The following TGM7 variants were observed in gnomAD, a reference collection of about 807,000 sequenced individuals.
The protein encoded by TGM7 is protein-glutamine gamma-glutamyltransferase Z.
Under a neutral mutation model 79.5 loss-of-function variants are expected in TGM7, and 74 were observed. The ratio of observed to expected loss-of-function variants is 0.93; its 90% CI spans 0.77 to 1.13. The LOEUF (loss-of-function observed/expected upper bound fraction) is 1.13, where lower values mean the gene tolerates loss of function less well. Among genes scored for constraint, TGM7 ranks in the 50% most tolerant of loss-of-function variants. TGM7 has a pLI of 0.00. For missense variants in TGM7, 912 were observed against 905.9 expected (o/e 1.01, Z -0.09); for synonymous variants, 354 against 362.5 (o/e 0.98, Z 0.27).
Position 43,292,865 on chromosome 15 carries a change from T to C in TGM7, c.283A>G (p.Thr95Ala), listed in dbSNP as rs751216950. The C allele has an allele frequency of 6.2e-7, 1 of 1,613,942 alleles. No homozygotes were observed. Among genetic ancestry groups the C allele is most frequent in the East Asian group, 2.2e-5 (1 of 44,884 alleles). Residue 95 changes from threonine (T) to alanine (A), a missense_variant, in exon 3 of 13, where the codon ACC becomes GCC. Physicochemically the swap from Thr to Ala is moderately conservative, Grantham distance 58. Coordinates refer to ENST00000452443, the MANE Select transcript of TGM7 (RefSeq NM_052955.3). ...PGNVWSASDF[T>A]IDSNSLQVSL... ...ACTTGGAGAGAGTTGGAGTCAATGGTGAAATCAGAAGCGCTCCAGACATTC... is the reference window on the plus strand; with the variant it reads ...ACTTGGAGAGAGTTGGAGTCAATGGCGAAATCAGAAGCGCTCCAGACATTC...
At chr15:43,296,632 C>T (rs1016786412) in intron 1 of TGM7, among the ~76,000 whole-genome samples, 1 of 152,060 alleles carries the variant, frequency 6.6e-6, no homozygotes, top group Admixed American at 6.6e-5. Flanking sequence ...GAACAGGACT[C>T]AGGGTAGCCT....
chr15:43,277,239 C>T lies in TGM7; in HGVS notation c.1840-244G>A, dbSNP rs142543921. 7.7e-4 allele frequency among the ~76,000 whole-genome samples: 117 copies of T among 152,332 alleles called. 1 individual carries two copies. The highest frequency in any genetic ancestry group is 1.3e-3 in the Non-Finnish European group (91 of 68,034). On this transcript the variant is annotated intron_variant, in intron 11 of 12. Coordinates refer to ENST00000452443, the MANE Select transcript of TGM7 (RefSeq NM_052955.3). ...CAGCAGTTGCCACCAAGCTGAAACC[C>T]GTTTCTGTCCCCACCATCTAGTTCA...
At chr15:43,286,808 T>C in intron 6 of TGM7, among the ~76,000 whole-genome samples, 1 of 152,180 alleles carries the variant, frequency 6.6e-6, no homozygotes, top group East Asian at 1.9e-4. Context: ...TTGATGTTCT[T>C]TAAGGGTAGT....
chr15:43,295,384 A>G (rs2042987384), intron 1 of TGM7, among the ~76,000 whole-genome samples: 1 of 152,212 alleles, frequency 6.6e-6, no homozygotes, highest in Non-Finnish European at 1.5e-5. Context: ...TGAGGTCAGG[A>G]GTTCGAGACC....
intron 6 of TGM7, among the ~76,000 whole-genome samples, chr15:43,285,806 T>C (rs2042932656): frequency 6.6e-6 from 1 of 151,490 alleles, no homozygotes; most frequent in African/African-American, 2.4e-5. Flanking sequence ...ATTTCACAAA[T>C]CTAGTCACAC....
chr15:43,285,165 T>C (rs1445293031), intron 6 of TGM7, among the ~76,000 whole-genome samples: 1 of 152,134 alleles, frequency 6.6e-6, no homozygotes, highest in Non-Finnish European at 1.5e-5. Context: ...AAGGAATCAT[T>C]TGAGGGTCGC....
At position 43,277,031 on chromosome 15, in the gene TGM7, T is replaced by G. The variant is rs189310193; in HGVS notation, c.1840-36A>C. ...AGAAGTCAGCAATCCCATGGGCAAC[T>G]GGCCTCGCTTCTGCACTCTGGTTCA... On this transcript the variant is annotated intron_variant, in intron 11 of 12. Coordinates refer to ENST00000452443, the MANE Select transcript of TGM7 (RefSeq NM_052955.3). The G allele has an allele frequency of 2.9e-5, 47 of 1,609,138 alleles. No individual in the cohort carries two copies. The East Asian group carries it at 9.8e-4, about 34-fold the overall frequency.
intron 7 of TGM7, among the ~76,000 whole-genome samples, chr15:43,284,153 C>T (rs1287826331): frequency 2.0e-5 from 3 of 152,054 alleles, no homozygotes; most frequent in South Asian, 2.1e-4. Context: ...GAGCTGAGTT[C>T]GCACCATTGC....
At chr15:43,288,486 G>T (rs1405859544) in intron 4 of TGM7, among the ~76,000 whole-genome samples, 1 of 152,050 alleles carries the variant, frequency 6.6e-6, no homozygotes, top group Non-Finnish European at 1.5e-5. Flanking sequence ...TGTTATTAAA[G>T]AATTACTATT....
At chr15:43,301,356 G>A (rs2043024325) in intron 1 of TGM7, among the ~76,000 whole-genome samples, 1 of 151,692 alleles carries the variant, frequency 6.6e-6, no homozygotes, top group African/African-American at 2.4e-5. Context: ...ATGGCCGCGT[G>A]TGGTGGCTCA....
At chr15:43,288,950 G>T (rs952244765) in intron 4 of TGM7, among the ~76,000 whole-genome samples, 1 of 152,146 alleles carries the variant, frequency 6.6e-6, no homozygotes, top group Non-Finnish European at 1.5e-5. Context: ...TCTAGTGGTG[G>T]AGTGGGGAGT....
chr15:43,281,940 C>T lies in TGM7; in HGVS notation c.1255G>A (p.Ala419Thr), dbSNP rs756276715. 3.1e-6 allele frequency: 5 copies of T among 1,614,192 alleles called. No individual in the cohort carries two copies. The highest frequency in any genetic ancestry group is 3.4e-6 in the Non-Finnish European group (4 of 1,180,028). Residue 419 changes from alanine to threonine, a missense_variant, in exon 9 of 13, where the codon GCC becomes ACC. Coordinates refer to ENST00000452443, the MANE Select transcript of TGM7 (RefSeq NM_052955.3). Reference protein sequence around the residue: ...LGDGQAQEILAHNTSSIGKEI... With the variant: ...LGDGQAQEILTHNTSSIGKEI... ...TTCCCGATGGAACTGGTGTTGTGGG[C>T]CAGGATTTCCTGGGCCTGGCCATCC...
chr15:43,279,788 G>C lies in TGM7; in HGVS notation c.1515C>G (p.Asp505Glu), dbSNP rs2042897693. The C allele has an allele frequency of 6.2e-7, 1 of 1,614,054 alleles. No homozygotes were observed. The highest frequency in any genetic ancestry group is 1.1e-5 in the South Asian group (1 of 91,096). Residue 505 changes from aspartate (D) to glutamate (E), a missense_variant, in exon 10 of 13, where the codon GAC (aspartate) becomes GAG (glutamate). Physicochemically the swap from Asp to Glu is conservative, Grantham distance 45. Coordinates refer to ENST00000452443, the MANE Select transcript of TGM7 (RefSeq NM_052955.3). ...HLARIPEWGQDLQLLLRIQRV... is the reference protein window; with the variant it reads ...HLARIPEWGQELQLLLRIQRV... ...TCTGGATACGCAGCAGCAGCTGCAG[G>C]TCCTGGCCCCACTCGGGTATCCTGG...
intron 1 of TGM7, among the ~76,000 whole-genome samples, chr15:43,295,732 T>G (rs1426163808): frequency 2.0e-5 from 3 of 152,252 alleles, no homozygotes. Flanking sequence ...TTTCCATAAA[T>G]GTGTCAAATG....
Position 43,287,387 on chromosome 15 carries a change from G to A in TGM7, c.758C>T (p.Pro253Leu), listed in dbSNP as rs771823662. ...WGEDYSKGVSPLEWKGSVAIL... is the reference protein window; with the variant it reads ...WGEDYSKGVSLLEWKGSVAIL... Reference sequence around the variant, plus strand: ...GGCCACACTGCCCTTCCACTCCAGAGGACTGACCCCTTTGGAGTAGTCCTC... The same window carrying A: ...GGCCACACTGCCCTTCCACTCCAGAAGACTGACCCCTTTGGAGTAGTCCTC... The change falls in exon 6 of 13, where the codon CCT becomes CTT. Residue 253 changes from proline to leucine, a missense_variant. Physicochemically the swap from Pro to Leu is moderately conservative, Grantham distance 98. Coordinates refer to ENST00000452443, the MANE Select transcript of TGM7 (RefSeq NM_052955.3). The A allele has an allele frequency of 6.2e-7, 1 of 1,614,144 alleles. No individual in the cohort carries two copies. The highest frequency in any genetic ancestry group is 1.1e-5 in the South Asian group (1 of 91,082).
chr15:43,282,404 G>A lies in TGM7; in HGVS notation c.1108+113C>T, dbSNP rs1040578680. On this transcript the variant is annotated intron_variant, in intron 8 of 12. Coordinates refer to ENST00000452443, the MANE Select transcript of TGM7 (RefSeq NM_052955.3). The stretch of plus-strand genomic sequence containing the variant: ...TGAAGCTGTGTCAGCTGGGACCTCG[G>A]GAAGAGGGTGCCGTGGAAAACGCTG... 4.2e-6 allele frequency: 4 copies of A among 943,060 alleles called. No homozygotes were observed. In the African/African-American group the frequency reaches 4.9e-5, roughly 12 times the overall value. The allele number at this position is 943,060 out of a possible 1,614,324, so 58.4% of individuals were successfully genotyped here.
chr15:43,276,642 C>A, intron 12 of TGM7, 28 bp from the exon 13 acceptor site: 1 of 1,600,848 alleles, frequency 6.2e-7, no homozygotes, highest in Non-Finnish European at 8.5e-7. Context: ...CCTGTGAGAG[C>A]CTCGAGGACT....
chr15:43,296,076 A>G (rs887760319), intron 1 of TGM7, among the ~76,000 whole-genome samples: 5 of 152,256 alleles, frequency 3.3e-5, no homozygotes, highest in Non-Finnish European at 7.3e-5. Context: ...CATAGGAAGA[A>G]CAAGGACAAT....
chr15:43,297,802 T>C (rs2043007120), intron 1 of TGM7, among the ~76,000 whole-genome samples: 1 of 152,182 alleles, frequency 6.6e-6, no homozygotes, highest in African/African-American at 2.4e-5. Context: ...ACAGGGGCTT[T>C]CTTTGGCCAC....
Sources: allele counts gnomAD v4.1 joint callset (sites outside exome capture counted in the v4.1 genomes callset), GRCh38; gene constraint gnomAD v4.1.1; transcripts MANE v1.5; gene names NCBI Gene and HGNC (gene_info 2026-07-23, HGNC 2026-07-21).